Variants in ATP6V1H observed in about 807,000 individuals in gnomAD.
ATP6V1H encodes V-type proton ATPase subunit H.
In ATP6V1H, 39 loss-of-function variants were observed where a neutral mutation model predicts 71.7. The ratio of observed to expected loss-of-function variants is 0.54; its 90% CI spans 0.42 to 0.71. The LOEUF is 0.71. ATP6V1H is among the 30% of genes least tolerant of loss of function. The pLI is 0.00. For synonymous variants in ATP6V1H, 192 were observed against 199.3 expected, an observed-to-expected ratio of 0.96 and a Z score of 0.31; for missense variants, 509 against 594.9, an observed-to-expected ratio of 0.86 and a Z score of 1.50.
In ATP6V1H at chr8:53,841,696, C is replaced by T; in HGVS notation, c.-6G>A. The T allele has an allele frequency of 9.3e-6, 15 of 1,612,668 alleles. No homozygotes were observed. The highest frequency in any genetic ancestry group is 1.3e-5 in the Non-Finnish European group (15 of 1,179,288). On this transcript the variant is annotated 5_prime_UTR_variant, in exon 2 of 14. Coordinates refer to ENST00000359530, the MANE Select transcript of ATP6V1H (RefSeq NM_015941.4). The stretch of plus-strand genomic sequence containing the variant: ...CGGATATCCATTTTGGTCATCTAAA[C>T]TTCGTAATCTTGAATGTCTTTCAAC...
intron 2 of ATP6V1H, among the ~76,000 whole-genome samples, chr8:53,837,719 C>T (rs554717624): frequency 3.0e-4 from 45 of 152,252 alleles, no homozygotes; most frequent in African/African-American, 1.1e-3. Context: ...TTTGAAATCA[C>T]TCTCGCAGTT....
At chr8:53,791,672 C>G (rs1483947042) in intron 9 of ATP6V1H, among the ~76,000 whole-genome samples, 1 of 152,136 alleles carries the variant, frequency 6.6e-6, no homozygotes, top group East Asian at 1.9e-4. Context: ...CTTGAGCCCT[C>G]TCTTCTCCTC....
intron 2 of ATP6V1H, among the ~76,000 whole-genome samples, chr8:53,838,162 A>G (rs968136654): frequency 6.8e-6 from 1 of 147,004 alleles, no homozygotes; most frequent in African/African-American, 2.5e-5. Flanking sequence ...GTCTTGCTCT[A>G]TTGCCCAGGC....
intron 4 of ATP6V1H, among the ~76,000 whole-genome samples, chr8:53,827,594 T>C (rs1330869892): frequency 6.6e-6 from 1 of 152,092 alleles, no homozygotes; most frequent in Non-Finnish European, 1.5e-5. Flanking sequence ...ACTTGTTTTT[T>C]GTGTGTATGT....
At chr8:53,769,788 A>C (rs757034915) in intron 10 of ATP6V1H, 45 bp from the exon 11 acceptor site, 1 of 1,505,512 alleles carries the variant, frequency 6.6e-7, no homozygotes, top group East Asian at 2.3e-5. Flanking sequence ...AGAATCTGAC[A>C]GTACTCCAAA....
At chr8:53,818,618 C>T (rs1012772255) in intron 4 of ATP6V1H, among the ~76,000 whole-genome samples, 1 of 152,142 alleles carries the variant, frequency 6.6e-6, no homozygotes, top group Non-Finnish European at 1.5e-5. Flanking sequence ...ATCCAGGTTA[C>T]AGACCTTTAA....
At chr8:53,819,548 ATATATATAT>A (rs1810566015) in intron 4 of ATP6V1H, among the ~76,000 whole-genome samples, 1 of 7,658 alleles carries the variant, frequency 1.3e-4, no homozygotes, top group African/African-American at 8.0e-4. Context: ...AAAAAAAAGC[ATATATATAT>A]ATATATATAT....
At chr8:53,819,774 T>C (rs985878753) in intron 4 of ATP6V1H, among the ~76,000 whole-genome samples, 13 of 145,580 alleles carry the variant, frequency 8.9e-5, no homozygotes, top group African/African-American at 1.3e-4. Flanking sequence ...TGTATATACA[T>C]AGTATATATA....
chr8:53,722,869 A>C (rs1307012080), intron 13 of ATP6V1H, among the ~76,000 whole-genome samples: 1 of 152,256 alleles, frequency 6.6e-6, no homozygotes, highest in South Asian at 2.1e-4. Context: ...TGCGTATAAC[A>C]TAAGAAAGCT....
At chr8:53,745,392 T>C (rs1268051116) in intron 12 of ATP6V1H, among the ~76,000 whole-genome samples, 1 of 151,538 alleles carries the variant, frequency 6.6e-6, no homozygotes, top group Non-Finnish European at 1.5e-5. Context: ...GGTAAGACCC[T>C]GTTTCTTAAA....
At position 53,780,816 on chromosome 8, in the gene ATP6V1H, T is replaced by C. The variant is rs536871932; in HGVS notation, c.871-8649A>G. ...TTTGGTATTTTGTCCTTGTGATAGT[T>C]TGCTGAGAATGATGGTTTCCAGCTT... On this transcript the variant is annotated intron_variant, in intron 9 of 13. Transcript: ENST00000359530. 5.3e-5 allele frequency among the ~76,000 whole-genome samples: 8 copies of C among 152,316 alleles called. No homozygotes were observed. The East Asian group carries it at 1.5e-3, about 29-fold the overall frequency.
intron 11 of ATP6V1H, among the ~76,000 whole-genome samples, chr8:53,763,196 C>T (rs1410742441): frequency 6.6e-6 from 1 of 152,108 alleles, no homozygotes; most frequent in Non-Finnish European, 1.5e-5. Context: ...CTAATTCCTG[C>T]ATTTTCAAGG....
chr8:53,811,003 AC>A (rs1256753530), intron 7 of ATP6V1H, among the ~76,000 whole-genome samples, 160 bp downstream of exon 7: 1 of 152,200 alleles, frequency 6.6e-6, no homozygotes, highest in Non-Finnish European at 1.5e-5. Context: ...ATCTCCACAG[AC>A]CATCAATATT....
intron 12 of ATP6V1H, among the ~76,000 whole-genome samples, chr8:53,746,015 T>C (rs933034932): frequency 2.0e-5 from 3 of 152,218 alleles, no homozygotes; most frequent in Admixed American, 6.5e-5. Flanking sequence ...AAAACTGCCA[T>C]GTTGTGAGCA....
At chr8:53,764,940 A>G (rs1190843303) in intron 11 of ATP6V1H, among the ~76,000 whole-genome samples, 1 of 152,186 alleles carries the variant, frequency 6.6e-6, no homozygotes, top group African/African-American at 2.4e-5. Flanking sequence ...CTCCACAAAA[A>G]TTTAACAAAA....
At chr8:53,800,954 G>C (rs910849749) in intron 8 of ATP6V1H, among the ~76,000 whole-genome samples, 6 of 152,274 alleles carry the variant, frequency 3.9e-5, no homozygotes, top group African/African-American at 1.4e-4. Context: ...AAATTTTATA[G>C]ATTAATAGAA....
chr8:53,788,619 T>C (rs972241595), intron 9 of ATP6V1H, among the ~76,000 whole-genome samples: 12 of 152,206 alleles, frequency 7.9e-5, no homozygotes, highest in Non-Finnish European at 4.4e-5. Context: ...CCTTACCTAA[T>C]GTTTAAATGA....
intron 13 of ATP6V1H, among the ~76,000 whole-genome samples, chr8:53,716,585 C>G (rs1806433058): frequency 3.3e-5 from 5 of 152,210 alleles, no homozygotes. Context: ...TCACTCTGCA[C>G]CAGCACAGTC....
chr8:53,781,607 T>C (rs1264212547), intron 9 of ATP6V1H, among the ~76,000 whole-genome samples: 1 of 152,204 alleles, frequency 6.6e-6, no homozygotes. Flanking sequence ...AGACATGAAG[T>C]CCTTGCCCAT....
Sources: gnomAD v4.1 joint callset for allele counts (sites outside exome capture counted in the v4.1 genomes callset) on GRCh38, gnomAD v4.1.1 for gene constraint, MANE v1.5 for transcripts, NCBI Gene and HGNC (gene_info 2026-07-23, HGNC 2026-07-21) for gene names.